The following FDFT1 variants were observed in gnomAD, a reference collection of about 807,000 sequenced individuals.
The protein encoded by FDFT1 is squalene synthase.
FDFT1 carries 68 observed loss-of-function variants against 46.8 expected under a neutral mutation model. The observed-to-expected ratio is 1.45, with a 90% CI of 1.19 to 1.78. The LOEUF (loss-of-function observed/expected upper bound fraction) is 1.78, where lower values mean the gene tolerates loss of function less well. Ranked by LOEUF, FDFT1 falls within the 40% of genes most tolerant of loss-of-function variation. The pLI is 0.00. For synonymous variants in FDFT1, 351 were observed against 185.1 expected, an observed-to-expected ratio of 1.90 and a Z score of -7.28; for missense variants, 928 against 524.4, an observed-to-expected ratio of 1.77 and a Z score of -7.52.
chr8:11,815,046 A>C (rs1297578507), intron 3 of FDFT1, among the ~76,000 whole-genome samples: 2 of 151,850 alleles, frequency 1.3e-5, no homozygotes, highest in Non-Finnish European at 2.9e-5. Context: ...AGGCCCCGGT[A>C]TGTGATGTTC....
chr8:11,837,755 G>A (rs1811739757), intron 7 of FDFT1, among the ~76,000 whole-genome samples: 1 of 152,158 alleles, frequency 6.6e-6, no homozygotes, highest in Non-Finnish European at 1.5e-5. Flanking sequence ...TTTAAGCTTA[G>A]ACTCACGTTG....
rs1221411678 is a variant in FDFT1 at position 11,808,618 on chromosome 8, C to T, written c.100-176C>T. ...CCCAGGGGCCCGGGCGCAGGCACCG[C>T]CCCGCGGGGCTGCTGCTTGCCTCCT... is the stretch of plus-strand genomic sequence containing the variant. On this transcript the variant is annotated intron_variant, in intron 1 of 7. Coordinates refer to ENST00000220584, the MANE Select transcript of FDFT1 (RefSeq NM_004462.5). 6 of 1,391,106 alleles carry T rather than the reference C, an allele frequency of 4.3e-6. No homozygotes were observed. The South Asian group carries it at 4.8e-5, about 11-fold the overall frequency. 86.2% of individuals were successfully genotyped at this position (1,391,106 alleles called of 1,614,324 possible).
chr8:11,811,392 G>A (rs1807688993), intron 3 of FDFT1, among the ~76,000 whole-genome samples: 1 of 152,190 alleles, frequency 6.6e-6, no homozygotes, highest in Non-Finnish European at 1.5e-5. Flanking sequence ...TGACTTGAGT[G>A]GATTCATAAT....
chr8:11,804,852 G>A (rs1806619674), intron 1 of FDFT1, among the ~76,000 whole-genome samples: 1 of 150,408 alleles, frequency 6.6e-6, no homozygotes, highest in African/African-American at 2.4e-5. Flanking sequence ...CAAGTGATCT[G>A]CTCGCCTTGG....
intron 7 of FDFT1, 23 bp from the exon 8 acceptor site, chr8:11,838,365 A>G: frequency 1.3e-6 from 2 of 1,591,654 alleles, no homozygotes; most frequent in Admixed American, 1.7e-5. Context: ...AGCACTTATC[A>G]TTTTTTCCTG....
intron 7 of FDFT1, among the ~76,000 whole-genome samples, chr8:11,836,095 G>C (rs982075307): frequency 6.6e-6 from 1 of 151,268 alleles, no homozygotes; most frequent in Non-Finnish European, 1.5e-5. Flanking sequence ...GGAGGCTGCA[G>C]TGAGCCAAGA....
upstream of FDFT1, chr8:11,801,757 C>A (rs111894216): frequency 4.8e-3 from 1,681 of 351,080 alleles, 19 homozygotes; most frequent in Non-Finnish European, 6.8e-3. Context: ...GCAGCGGTGT[C>A]ATCTTGGCTC....
At chr8:11,807,265 G>A (rs1479007913) in intron 1 of FDFT1, among the ~76,000 whole-genome samples, 2 of 152,126 alleles carry the variant, frequency 1.3e-5, no homozygotes, top group Non-Finnish European at 2.9e-5. Context: ...AGCCTCCTGA[G>A]TAGCTAGTCT....
intron 3 of FDFT1, among the ~76,000 whole-genome samples, chr8:11,818,838 A>G (rs1465374755): frequency 6.6e-6 from 1 of 152,332 alleles, no homozygotes; most frequent in East Asian, 1.9e-4. Flanking sequence ...TAACTGGGGC[A>G]TTTAGCCCAC....
chr8:11,830,104 C>G, intron 5 of FDFT1, 140 bp from the exon 6 acceptor site: 1 of 709,948 alleles, frequency 1.4e-6, no homozygotes, highest in Non-Finnish European at 2.5e-6. Flanking sequence ...CCTCGGCCTC[C>G]CAAAGTGCTG....
In FDFT1 at chr8:11,838,466, C is replaced by G; in HGVS notation, c.1111C>G (p.Leu371Val). ...QIISTIRTQN[L>V]PNCQLISRSH... The stretch of plus-strand genomic sequence containing the variant: ...CATCTCCACCATCCGGACGCAGAAT[C>G]TTCCCAACTGTCAGCTGATTTCCCG... The change falls in exon 8 of 8, where the codon CTT (leucine) becomes GTT (valine). Residue 371 changes from leucine to valine, a missense_variant. Physicochemically the swap from Leu to Val is conservative, Grantham distance 32 (BLOSUM62 1). Transcript: ENST00000220584. 1 of 1,607,452 alleles carries G rather than the reference C, an allele frequency of 6.2e-7. No individual in the cohort carries two copies. The highest frequency in any genetic ancestry group is 8.5e-7 in the Non-Finnish European group (1 of 1,176,178).
chr8:11,802,893 A>G lies in FDFT1; in HGVS notation c.61A>G (p.Ile21Val), dbSNP rs986163050. ...GTTCTACAACCTGGTGCGCTTCCGG[A>G]TCGGGGGCAAGCGGAAGGTGATGCC... Reference protein sequence around the residue: ...EEFYNLVRFRIGGKRKVMPKM... With the variant: ...EEFYNLVRFRVGGKRKVMPKM... Residue 21 changes from isoleucine to valine, a missense_variant, in exon 1 of 8, where the codon ATC (isoleucine) becomes GTC (valine). Ile to Val is a conservative substitution (Grantham distance 29). Transcript: ENST00000220584. The G allele has an allele frequency of 1.2e-6, 2 of 1,611,700 alleles. No individual in the cohort carries two copies. The highest frequency in any genetic ancestry group is 1.7e-6 in the Non-Finnish European group (2 of 1,178,950).
At chr8:11,823,029 C>T (rs1809477381) in intron 4 of FDFT1, among the ~76,000 whole-genome samples, 1 of 151,956 alleles carries the variant, frequency 6.6e-6, no homozygotes, top group African/African-American at 2.4e-5. Flanking sequence ...ATCACGGCTC[C>T]CCGCAGCCTC....
At position 11,838,745 on chromosome 8, in the gene FDFT1, G is replaced by C. The variant is rs190061252; in HGVS notation, c.*136G>C. ...GAACGCTGTGTGGCTGGGACCTTTAGGAAAGTGAAATGCAGGTGAGAAGAA... is the reference window on the plus strand; with the variant it reads ...GAACGCTGTGTGGCTGGGACCTTTACGAAAGTGAAATGCAGGTGAGAAGAA... On this transcript the variant is annotated 3_prime_UTR_variant, in exon 8 of 8. Coordinates refer to ENST00000220584, the MANE Select transcript of FDFT1 (RefSeq NM_004462.5). 5 of 737,192 alleles carry C rather than the reference G, an allele frequency of 6.8e-6. No homozygotes were observed. The highest frequency in any genetic ancestry group is 7.3e-4 in the Middle Eastern group (2 of 2,736). 45.7% of individuals were successfully genotyped at this position (737,192 alleles called of 1,614,324 possible).
chr8:11,811,985 TGG>T (rs1212970515), intron 3 of FDFT1, among the ~76,000 whole-genome samples: 1 of 152,212 alleles, frequency 6.6e-6, no homozygotes, highest in African/African-American at 2.4e-5. Flanking sequence ...ACCAGTTGTC[TGG>T]GGCTAGGCCT....
At position 11,838,568 on chromosome 8, in the gene FDFT1, T is replaced by C. The variant is rs751852979; in HGVS notation, c.1213T>C (p.Ser405Pro). The C allele has an allele frequency of 2.5e-6, 4 of 1,613,960 alleles. No homozygotes were observed. Among genetic ancestry groups the C allele is most frequent in the Non-Finnish European group, 3.4e-6 (4 of 1,179,950 alleles). ...ALSWQYLTTLSQVTEDYVQTG... is the reference protein window; with the variant it reads ...ALSWQYLTTLPQVTEDYVQTG... ...GAGCTGGCAGTACCTGACCACTCTC[T>C]CCCAGGTAACAGAAGACTATGTTCA... The change falls in exon 8 of 8, where the codon TCC becomes CCC. Residue 405 changes from serine to proline, a missense_variant. Physicochemically the swap from Ser to Pro is moderately conservative, Grantham distance 74. Transcript: ENST00000220584.
At chr8:11,819,973 C>G (rs747898595) in intron 3 of FDFT1, among the ~76,000 whole-genome samples, 2 of 152,126 alleles carry the variant, frequency 1.3e-5, no homozygotes, top group Non-Finnish European at 2.9e-5. Flanking sequence ...TTCTCCCCAT[C>G]TTTGTGGTTT....
At chr8:11,824,037 A>G (rs187328063) in intron 4 of FDFT1, among the ~76,000 whole-genome samples, 1 of 151,918 alleles carries the variant, frequency 6.6e-6, no homozygotes, top group Non-Finnish European at 1.5e-5. Flanking sequence ...GCCTTTTAAA[A>G]TTTTTTACAG....
chr8:11,821,750 A>T lies in FDFT1; in HGVS notation c.382A>T (p.Ile128Phe), dbSNP rs1809279335. The part of the protein sequence containing the change: ...DRQVLEDFPT[I>F]SLEFRNLAEK... ...TGTGTTTTTACGGTTTCCATTTCAGATCTCCCTTGAGTTTAGAAATCTGGC... is the reference window on the plus strand; with the variant it reads ...TGTGTTTTTACGGTTTCCATTTCAGTTCTCCCTTGAGTTTAGAAATCTGGC... The change falls in exon 4 of 8, where the codon ATC (isoleucine) becomes TTC (phenylalanine). Residue 128 changes from isoleucine (I) to phenylalanine (F), a missense_variant and splice_region_variant. By Grantham distance (21) the Ile-to-Phe change is conservative. Coordinates refer to ENST00000220584, the MANE Select transcript of FDFT1 (RefSeq NM_004462.5). 2 of 1,613,016 alleles carry T rather than the reference A, an allele frequency of 1.2e-6. No homozygotes were observed. Among genetic ancestry groups the T allele is most frequent in the East Asian group, 2.2e-5 (1 of 44,850 alleles).
Sources: gnomAD v4.1 joint callset for allele counts (sites outside exome capture counted in the v4.1 genomes callset) on GRCh38, gnomAD v4.1.1 for gene constraint, MANE v1.5 for transcripts, NCBI Gene and HGNC (gene_info 2026-07-23, HGNC 2026-07-21) for gene names.